Variants in CACNA1B observed in about 807,000 individuals in gnomAD.
CACNA1B encodes calcium voltage-gated channel subunit alpha1 B, also known as voltage-dependent N-type calcium channel subunit alpha-1B.
Under a neutral mutation model 247.2 loss-of-function variants are expected in CACNA1B, and 70 were observed. The ratio of observed to expected loss-of-function variants is 0.28; its 90% confidence interval spans 0.23 to 0.35. The LOEUF (loss-of-function observed/expected upper bound fraction) is 0.35, where lower values mean the gene tolerates loss of function less well. Ranked by LOEUF, CACNA1B falls within the 10% of genes least tolerant of loss-of-function variation. The probability of loss-of-function intolerance (pLI) is 1.00; values close to 1 mark genes in which losing one functional copy is unlikely to be tolerated. For synonymous variants in CACNA1B, 1,231 were observed against 1,294.4 expected, an observed-to-expected ratio of 0.95 and a Z score of 1.05; for missense variants, 2,367 against 3,197.4, an observed-to-expected ratio of 0.74 and a Z score of 6.26.
In CACNA1B at chr9:137,971,640, C is replaced by A; in HGVS notation, c.1543+48C>A. On this transcript the variant is annotated intron_variant, in intron 11 of 46. Transcript: ENST00000371372. The surrounding 1 kb of genome is among the most constrained non-coding windows in gnomAD (Gnocchi z 4.4). Reference sequence around the variant, plus strand: ...CAGGTGCTTCCTGAGCATCTCTGCTCTCAGTCTGGAAACCCTGGTCCATGC... The same window carrying A: ...CAGGTGCTTCCTGAGCATCTCTGCTATCAGTCTGGAAACCCTGGTCCATGC... 6.6e-7 allele frequency: 1 copy of A among 1,517,424 alleles called. No homozygotes were observed. Among genetic ancestry groups the A allele is most frequent in the Non-Finnish European group, 9.1e-7 (1 of 1,104,968 alleles). The allele number at this position is 1,517,424 out of a possible 1,614,324, so 94.0% of individuals were successfully genotyped here.
chr9:137,936,631 T>C (rs575500198), intron 6 of CACNA1B, among the ~76,000 whole-genome samples: 12 of 152,378 alleles, frequency 7.9e-5, no homozygotes, highest in Non-Finnish European at 1.5e-4. Context: ...TTTAAGTCTT[T>C]AATCCATCTT....
At position 137,925,172 on chromosome 9, in the gene CACNA1B, C is replaced by A. The variant is rs185355853; in HGVS notation, c.966+7741C>A. On this transcript the variant is annotated intron_variant, in intron 6 of 46. Transcript: ENST00000371372. ...CCACCACAACAGGAAATAAGTTCAACGATGTATTACCTACAGATCGGCAGG... is the reference window on the plus strand; with the variant it reads ...CCACCACAACAGGAAATAAGTTCAAAGATGTATTACCTACAGATCGGCAGG... Among the ~76,000 whole-genome samples the A allele has an allele frequency of 3.3e-5, 5 of 152,192 alleles. 1 individual carries two copies. The highest frequency in any genetic ancestry group is 1.5e-5 in the Non-Finnish European group (1 of 68,034).
rs1956921426 is a variant in CACNA1B, at chr9:137,881,598, GGTGTCCGACA to G, written c.391-1145_391-1136del. ...CCTAAGGCAGCAGCCCTGGAGTGCA[GGTGTCCGACA>G]CCCCCATGCCAACCCTGCACATGCA... On this transcript the variant is annotated intron_variant, in intron 2 of 46. Coordinates refer to ENST00000371372, the MANE Select transcript of CACNA1B (RefSeq NM_000718.4). This position sits in a 1 kb window ranked among gnomAD's most constrained non-coding sequence, Gnocchi z 4.3. 6.6e-6 allele frequency among the ~76,000 whole-genome samples: 1 copy of G among 152,200 alleles called. No homozygotes were observed. The highest frequency in any genetic ancestry group is 6.5e-5 in the Admixed American group (1 of 15,284).
At chr9:138,013,404 A>AGGGCTTT (rs1473739279) in intron 18 of CACNA1B, among the ~76,000 whole-genome samples, 169 bp downstream of exon 18, 3 of 152,254 alleles carry the variant, frequency 2.0e-5, no homozygotes, top group Admixed American at 6.5e-5. Context: ...TGGGGGCTCC[A>AGGGCTTT]GGGCTTTTTC....
intron 15 of CACNA1B, among the ~76,000 whole-genome samples, chr9:137,988,001 CTT>C (rs1215668762): frequency 6.6e-6 from 1 of 152,254 alleles, no homozygotes; most frequent in African/African-American, 2.4e-5. Flanking sequence ...CTCCTCTCCT[CTT>C]ATTCCTCGAG....
Position 137,952,226 on chromosome 9 carries a change from A to T in CACNA1B, c.967-48A>T. 2.0e-6 allele frequency: 3 copies of T among 1,474,536 alleles called. No homozygotes were observed. The highest frequency in any genetic ancestry group is 2.8e-6 in the Non-Finnish European group (3 of 1,053,916). The allele number at this position is 1,474,536 out of a possible 1,614,324, so 91.3% of individuals were successfully genotyped here. A position where few individuals can be genotyped will look rare whatever the true frequency, so the allele number is the denominator to read the frequency against. On this transcript the variant is annotated intron_variant, in intron 6 of 46. Coordinates refer to ENST00000371372, the MANE Select transcript of CACNA1B (RefSeq NM_000718.4). This position sits in a 1 kb window ranked among gnomAD's most constrained non-coding sequence, Gnocchi z 4.8. ...GGCTGGGGGTGCTCCTGTGGCCGGG[A>T]CTGTGTTTTGTCCCTGTCCTTCCTC... is the stretch of plus-strand genomic sequence containing the variant.
chr9:138,045,107 G>T (rs1269392199), intron 21 of CACNA1B, among the ~76,000 whole-genome samples: 3 of 152,222 alleles, frequency 2.0e-5, no homozygotes, highest in African/African-American at 4.8e-5. Context: ...AAGGTGAAGA[G>T]GGGAGAGGGG....
At chr9:138,101,536 G>A (rs1459750188) in intron 37 of CACNA1B, among the ~76,000 whole-genome samples, 2 of 152,260 alleles carry the variant, frequency 1.3e-5, no homozygotes, top group Admixed American at 6.5e-5. Flanking sequence ...TGATGGTCAG[G>A]CCAAAGGCCG....
chr9:137,995,157 A>G (rs1215992936), intron 15 of CACNA1B, among the ~76,000 whole-genome samples: 1 of 151,752 alleles, frequency 6.6e-6, no homozygotes. Context: ...GCAGTGAACC[A>G]AGATCGCGCC....
At chr9:137,924,204 CT>C (rs903809690) in intron 6 of CACNA1B, among the ~76,000 whole-genome samples, 13 of 144,902 alleles carry the variant, frequency 9.0e-5, no homozygotes, top group East Asian at 4.0e-4. Context: ...TGAAGATTTT[CT>C]TTTTTTTTTT....
At chr9:138,055,836 T>G (rs960995557) in intron 26 of CACNA1B, among the ~76,000 whole-genome samples, 4 of 151,900 alleles carry the variant, frequency 2.6e-5, no homozygotes, top group African/African-American at 9.7e-5. Context: ...ACCAGCCTGG[T>G]CAAAATAGTG....
rs922716823 is a variant in CACNA1B at position 138,020,682 on chromosome 9, G to C, written c.2268-2329G>C. On this transcript the variant is annotated intron_variant, in intron 18 of 46. Coordinates refer to ENST00000371372, the MANE Select transcript of CACNA1B (RefSeq NM_000718.4). The surrounding 1 kb of genome is among the most constrained non-coding windows in gnomAD (Gnocchi z 4.1). Reference sequence around the variant, plus strand: ...GTGGGGCTGCGGGGGGCGGGCAGGTGCCCTAGCGTAGGCTGCTCAGCATGT... The same window carrying C: ...GTGGGGCTGCGGGGGGCGGGCAGGTCCCCTAGCGTAGGCTGCTCAGCATGT... Among the ~76,000 whole-genome samples the C allele has an allele frequency of 6.6e-6, 1 of 152,178 alleles. No individual in the cohort carries two copies. Among genetic ancestry groups the C allele is most frequent in the Non-Finnish European group, 1.5e-5 (1 of 68,032 alleles).
intron 42 of CACNA1B, among the ~76,000 whole-genome samples, chr9:138,116,776 T>G (rs946335038): frequency 6.6e-6 from 1 of 152,168 alleles, no homozygotes; most frequent in Non-Finnish European, 1.5e-5. Flanking sequence ...TAGCGGTGCA[T>G]TAGGAGCCAG....
intron 15 of CACNA1B, among the ~76,000 whole-genome samples, chr9:138,001,990 A>G (rs1958582650): frequency 6.6e-6 from 1 of 152,182 alleles, no homozygotes; most frequent in African/African-American, 2.4e-5. Flanking sequence ...TTAATTTATG[A>G]ATCAACGCAA....
At chr9:138,076,264 C>G (rs1237811319) in intron 35 of CACNA1B, among the ~76,000 whole-genome samples, 1 of 152,182 alleles carries the variant, frequency 6.6e-6, no homozygotes, top group Non-Finnish European at 1.5e-5. Context: ...AGGTGCCTAG[C>G]AGGGGCTCTC....
chr9:137,918,179 G>C (rs1234493396), intron 6 of CACNA1B, among the ~76,000 whole-genome samples: 1 of 152,072 alleles, frequency 6.6e-6, no homozygotes, highest in Non-Finnish European at 1.5e-5. Context: ...GCCTGGATTT[G>C]GTGGCCATGA....
chr9:137,907,035 G>C (rs1442735136), intron 3 of CACNA1B, among the ~76,000 whole-genome samples: 3 of 152,216 alleles, frequency 2.0e-5, no homozygotes, highest in African/African-American at 7.2e-5. Context: ...CAGGTGTCCT[G>C]ATTTGTGTTT....
rs1405281972 is a variant in CACNA1B at position 137,928,625 on chromosome 9, ATAT to A, written c.966+11195_966+11197del. On this transcript the variant is annotated intron_variant, in intron 6 of 46. Coordinates refer to ENST00000371372, the MANE Select transcript of CACNA1B (RefSeq NM_000718.4). ...TTTTTTAAATAACACTTTTGCTGCAATATAATCTGTGTACCATAAAATTCACCA... is the reference window on the plus strand; with the variant it reads ...TTTTTTAAATAACACTTTTGCTGCAAAATCTGTGTACCATAAAATTCACCA... Among the ~76,000 whole-genome samples the A allele has an allele frequency of 2.6e-5, 4 of 152,322 alleles. No homozygotes were observed. The East Asian group carries it at 7.7e-4, about 29-fold the overall frequency.
chr9:138,040,497 A>AT, intron 20 of CACNA1B: 10 of 274,218 alleles, frequency 3.6e-5, no homozygotes, highest in South Asian at 1.2e-4. Context: ...TATATATATA[A>AT]ATGATATATG....
Sources: allele counts gnomAD v4.1 joint callset (sites outside exome capture counted in the v4.1 genomes callset), GRCh38; gene constraint gnomAD v4.1.1; non-coding constraint Gnocchi (gnomAD v3.1); transcripts MANE v1.5; gene names NCBI Gene and HGNC (gene_info 2026-07-23, HGNC 2026-07-21).